TRDN: variants seen among roughly 807,000 people sequenced by gnomAD.
The protein encoded by TRDN is triadin in skeletal muscle.
In TRDN, 161 loss-of-function variants were observed where a neutral mutation model predicts 149.7. The observed-to-expected ratio is 1.08, with a 90% confidence interval of 0.95 to 1.23. The LOEUF (loss-of-function observed/expected upper bound fraction) is 1.23. TRDN is among the 50% of genes most tolerant of loss of function. The pLI, the probability that TRDN is intolerant of heterozygous loss-of-function variation, is 0.00. For missense variants in TRDN, 896 were observed against 823.5 expected (o/e 1.09, Z -1.08); for synonymous variants, 294 against 250.5 (o/e 1.17, Z -1.64).
intron 23 of TRDN, among the ~76,000 whole-genome samples, chr6:123,319,828 C>T (rs140417041): frequency 6.6e-6 from 1 of 152,140 alleles, no homozygotes; most frequent in East Asian, 1.9e-4. Flanking sequence ...CTTTTCCAGG[C>T]TGTTGATTTC....
chr6:123,602,355 C>CT (rs1784319030), intron 1 of TRDN, among the ~76,000 whole-genome samples: 1 of 151,872 alleles, frequency 6.6e-6, no homozygotes, highest in Admixed American at 6.6e-5. Context: ...TATGTTCTCA[C>CT]TTATAAGTGA....
intron 20 of TRDN, among the ~76,000 whole-genome samples, chr6:123,360,733 G>C (rs2114336995): frequency 6.6e-6 from 1 of 151,360 alleles, no homozygotes; most frequent in East Asian, 1.9e-4. Flanking sequence ...GAGAGAGAGA[G>C]AGAGAGAGAC....
intron 3 of TRDN, among the ~76,000 whole-genome samples, 178 bp downstream of exon 3, chr6:123,548,276 A>C (rs1163238138): frequency 1.3e-5 from 2 of 152,048 alleles, no homozygotes; most frequent in Non-Finnish European, 2.9e-5. Context: ...ATGAAAATTA[A>C]ATAAAGAACA....
At chr6:123,270,578 T>A (rs1215168423) in intron 30 of TRDN, among the ~76,000 whole-genome samples, 1 of 151,978 alleles carries the variant, frequency 6.6e-6, no homozygotes, top group Non-Finnish European at 1.5e-5. Flanking sequence ...TCTTTTTCCT[T>A]ACAGGAAAAA....
intron 10 of TRDN, chr6:123,445,223 T>C (rs1227194344): frequency 6.6e-6 from 1 of 152,092 alleles, no homozygotes; most frequent in Non-Finnish European, 1.5e-5. Context: ...ATTCAGAGAT[T>C]CAACTTCTTC....
chr6:123,604,701 C>T (rs1784443545), intron 1 of TRDN, among the ~76,000 whole-genome samples: 1 of 151,970 alleles, frequency 6.6e-6, no homozygotes, highest in Admixed American at 6.6e-5. Context: ...GAAACAGTGT[C>T]TGCAGGACTT....
At chr6:123,589,792 T>G (rs1783693585) in intron 1 of TRDN, among the ~76,000 whole-genome samples, 1 of 152,198 alleles carries the variant, frequency 6.6e-6, no homozygotes, top group African/African-American at 2.4e-5. Context: ...ATAAAGCTTC[T>G]GCTTAAGACT....
At chr6:123,457,085 G>A (rs376680166) in intron 10 of TRDN, among the ~76,000 whole-genome samples, 7 of 152,246 alleles carry the variant, frequency 4.6e-5, no homozygotes, top group Admixed American at 2.0e-4. Context: ...GATCAAATTC[G>A]CTCAAATTCA....
At chr6:123,370,193 A>G (rs1781270457) in intron 19 of TRDN, among the ~76,000 whole-genome samples, 1 of 152,114 alleles carries the variant, frequency 6.6e-6, no homozygotes, top group African/African-American at 2.4e-5. Flanking sequence ...TTTTCCTACT[A>G]GCACTGCACG....
chr6:123,472,320 G>A (rs529983455), intron 9 of TRDN, among the ~76,000 whole-genome samples: 4 of 152,186 alleles, frequency 2.6e-5, no homozygotes, highest in Admixed American at 6.5e-5. Flanking sequence ...AAGGGGTGAC[G>A]GACAGCACCT....
chr6:123,601,117 T>C (rs187575063), intron 1 of TRDN, among the ~76,000 whole-genome samples: 1 of 152,250 alleles, frequency 6.6e-6, no homozygotes, highest in Admixed American at 6.6e-5. Context: ...AAAGGCTATT[T>C]AAAGTATACC....
At chr6:123,356,654 T>C (rs2114318511) in intron 20 of TRDN, among the ~76,000 whole-genome samples, 1 of 149,646 alleles carries the variant, frequency 6.7e-6, no homozygotes, top group South Asian at 2.1e-4. Context: ...GTAAGATTGG[T>C]GCTAATTTTT....
intron 2 of TRDN, among the ~76,000 whole-genome samples, chr6:123,550,455 C>T (rs1022182665): frequency 5.3e-5 from 8 of 151,964 alleles, no homozygotes; most frequent in African/African-American, 1.2e-4. Context: ...GATTGGATGA[C>T]GAGGATGTCA....
At chr6:123,254,983 A>G (rs779177611) in intron 37 of TRDN, 98 bp downstream of exon 37, 4 of 744,580 alleles carry the variant, frequency 5.4e-6, no homozygotes, top group Non-Finnish European at 9.0e-6. Context: ...TGCATCTTCT[A>G]GATTTCTTTG....
intron 23 of TRDN, among the ~76,000 whole-genome samples, chr6:123,330,273 A>G (rs1779610120): frequency 6.6e-6 from 1 of 152,108 alleles, no homozygotes; most frequent in African/African-American, 2.4e-5. Context: ...AACCATTTCA[A>G]CTTACATTGT....
intron 12 of TRDN, among the ~76,000 whole-genome samples, chr6:123,400,555 T>C (rs1772924199): frequency 6.6e-6 from 1 of 152,152 alleles, no homozygotes; most frequent in Non-Finnish European, 1.5e-5. Flanking sequence ...TGACAGGAGA[T>C]GGAGCTCAGG....
At chr6:123,414,185 A>G (rs5005571) in intron 12 of TRDN, among the ~76,000 whole-genome samples, 135,050 of 151,890 alleles carry the variant, frequency 0.89, 60,250 homozygotes, top group East Asian at 0.99. Flanking sequence ...CATTCCTTTA[A>G]GTTCCAATTA....
chr6:123,233,499 C>T (rs187220051), intron 38 of TRDN, among the ~76,000 whole-genome samples: 4 of 152,038 alleles, frequency 2.6e-5, no homozygotes, highest in Non-Finnish European at 4.4e-5. Context: ...AGGATAAACA[C>T]GGCTCTCTTG....
rs897281862 is a variant in TRDN, at chr6:123,331,840, C to A, written c.1471+39G>T. The A allele has an allele frequency of 5.1e-6, 7 of 1,372,394 alleles. No homozygotes were observed. In the African/African-American group the frequency reaches 7.4e-5, roughly 14 times the overall value. The allele number at this position is 1,372,394 out of a possible 1,614,324, so 85.0% of individuals were successfully genotyped here. ...TGCAAATAACTGAATATGCAAAAGGCAGATCAATGTGGCTTCACATTTCAT... is the reference window on the plus strand; with the variant it reads ...TGCAAATAACTGAATATGCAAAAGGAAGATCAATGTGGCTTCACATTTCAT... On this transcript the variant is annotated intron_variant, in intron 23 of 40. Coordinates refer to ENST00000334268, the MANE Select transcript of TRDN (RefSeq NM_006073.4).
Sources: gnomAD v4.1 joint callset for allele counts (sites outside exome capture counted in the v4.1 genomes callset) on GRCh38, gnomAD v4.1.1 for gene constraint, MANE v1.5 for transcripts, NCBI Gene and HGNC (gene_info 2026-07-23, HGNC 2026-07-21) for gene names.